C2CD2: variants seen among roughly 807,000 people sequenced by gnomAD.
The protein encoded by C2CD2 is C2 domain-containing protein 2.
A neutral mutation model predicts 74.3 loss-of-function variants in C2CD2; 43 were observed. The ratio of observed to expected loss-of-function variants is 0.58; its 90% confidence interval spans 0.45 to 0.75. C2CD2 has a LOEUF of 0.75. Ranked by LOEUF, C2CD2 falls within the 30% of genes least tolerant of loss-of-function variation. The pLI is 0.00. For synonymous variants in C2CD2, 422 were observed against 390.7 expected (o/e 1.08, Z -0.94); for missense variants, 801 against 916.3 (o/e 0.87, Z 1.63).
In C2CD2 at chr21:41,923,434, G is replaced by A. The variant is rs2065177223; in HGVS notation, c.379-1349C>T. ...GCTAAAAATGAGTCTTAAAGAGAAA[G>A]TAAGTTATAGATGTTAGAAGTAAAA... On this transcript the variant is annotated intron_variant, in intron 2 of 13. Coordinates refer to ENST00000380486, the MANE Select transcript of C2CD2 (RefSeq NM_015500.2). The surrounding 1 kb of genome is among the most constrained non-coding windows in gnomAD (Gnocchi z 5.8). Among the ~76,000 whole-genome samples the A allele has an allele frequency of 6.6e-6, 1 of 152,190 alleles. No individual in the cohort carries two copies. The highest frequency in any genetic ancestry group is 2.4e-5 in the African/African-American group (1 of 41,448).
Position 41,907,683 on chromosome 21 carries a change from CCGAGCTGCCGCAGGCA to C in C2CD2, c.1104_1119del (p.Ala369CysfsTer17). 1 of 1,612,166 alleles carries C rather than the reference CCGAGCTGCCGCAGGCA, an allele frequency of 6.2e-7. No homozygotes were observed. Among genetic ancestry groups the C allele is most frequent in the Non-Finnish European group, 8.5e-7 (1 of 1,179,762 alleles). On this transcript the variant is annotated frameshift_variant, in exon 9 of 14. Coordinates refer to ENST00000380486, the MANE Select transcript of C2CD2 (RefSeq NM_015500.2). LOFTEE classifies it high-confidence loss of function. The stretch of plus-strand genomic sequence containing the variant: ...ACCTCTGCCGTGACCGAGCCCAGCA[CCGAGCTGCCGCAGGCA>C]GACCCGCTGGTCAGCGTGAAGCTCT...
At chr21:41,897,367 T>G (rs2064836243) in intron 13 of C2CD2, among the ~76,000 whole-genome samples, 1 of 152,174 alleles carries the variant, frequency 6.6e-6, no homozygotes, top group Non-Finnish European at 1.5e-5. Flanking sequence ...TACCCCACCC[T>G]GCACCCATGT....
In C2CD2 at chr21:41,918,842, A is replaced by C; in HGVS notation, c.597+14T>G. 1 of 1,602,794 alleles carries C rather than the reference A, an allele frequency of 6.2e-7. No individual in the cohort carries two copies. Among genetic ancestry groups the C allele is most frequent in the East Asian group, 2.2e-5 (1 of 44,818 alleles). On this transcript the variant is annotated intron_variant, in intron 4 of 13. Transcript: ENST00000380486. The stretch of plus-strand genomic sequence containing the variant: ...TCACGCCAATGGAAGAATCATAAAA[A>C]CTTACGGACTGACCTCCCCCAGTGC...
At chr21:41,891,034 A>C (rs928634559) in intron 13 of C2CD2, among the ~76,000 whole-genome samples, 2 of 152,098 alleles carry the variant, frequency 1.3e-5, no homozygotes, top group African/African-American at 4.8e-5. Context: ...CAACCAAATC[A>C]CTTTTTATGA....
At chr21:41,919,488 C>G (rs531458233) in intron 3 of C2CD2, among the ~76,000 whole-genome samples, 1 of 152,286 alleles carries the variant, frequency 6.6e-6, no homozygotes, top group South Asian at 2.1e-4. Flanking sequence ...CAACCAGATG[C>G]CATCAAACCT....
intron 13 of C2CD2, chr21:41,894,697 C>A (rs1173760736): frequency 2.2e-6 from 1 of 456,816 alleles, no homozygotes; most frequent in Non-Finnish European, 4.4e-6. Context: ...GAGGAGGATT[C>A]CAGCCATGCG....
At chr21:41,944,116 AC>A (rs1174121211) in intron 1 of C2CD2, among the ~76,000 whole-genome samples, 6 of 152,200 alleles carry the variant, frequency 3.9e-5, no homozygotes, top group African/African-American at 1.4e-4. Flanking sequence ...GCCTAAAGAT[AC>A]GCTGTTGCCT....
chr21:41,887,645 G>GA lies in C2CD2; in HGVS notation c.*1478dup, dbSNP rs772154602. 1.3e-5 allele frequency: 2 copies of GA among 151,946 alleles called. No individual in the cohort carries two copies. Among genetic ancestry groups the GA allele is most frequent in the Non-Finnish European group, 2.9e-5 (2 of 67,938 alleles). The allele number at this position is 151,946 out of a possible 1,614,324, so 9.4% of individuals were successfully genotyped here. On this transcript the variant is annotated 3_prime_UTR_variant, in exon 14 of 14. Transcript: ENST00000380486. ...TTTGATACCGGTTTTTACTAAAAAA[G>GA]AAAAAATCCTATAATTTTGGTTTTT... is the stretch of plus-strand genomic sequence containing the variant.
chr21:41,953,388 C>T lies in C2CD2; in HGVS notation c.261G>A (p.Glu87=), dbSNP rs1018272309. 4 of 1,417,508 alleles carry T rather than the reference C, an allele frequency of 2.8e-6. No individual in the cohort carries two copies. The highest frequency in any genetic ancestry group is 1.9e-4 in the Middle Eastern group (1 of 5,320). The allele number at this position is 1,417,508 out of a possible 1,614,324, so 87.8% of individuals were successfully genotyped here. Residue 87 remains glutamate, a synonymous_variant, in exon 1 of 14, where the codon GAG becomes GAA. Coordinates refer to ENST00000380486, the MANE Select transcript of C2CD2 (RefSeq NM_015500.2). ...WQAAWVTALN[E]EAERKGGPPF... ...AACTCACCCCTTTCCTCTCGGCCTC[C>T]TCGTTCAGGGCGGTCACCCAGGCCG...
chr21:41,894,249 G>C (rs940599393), intron 13 of C2CD2, among the ~76,000 whole-genome samples: 13 of 152,302 alleles, frequency 8.5e-5, no homozygotes, highest in African/African-American at 2.9e-4. Context: ...CTCTGAGGAA[G>C]GAGGCCTGAT....
chr21:41,953,508 C>G lies in C2CD2; in HGVS notation c.141G>C (p.Arg47=), dbSNP rs770570222. ...GCCCCTCTCCAGGCTCCACCGCCCG[C>G]CGCTGGGGCTGGGGTCGCGCCCTGG... ...ALARARPQPQ[R]RAVEPGEGPR... is the part of the protein sequence containing the mutation. Residue 47 remains arginine, a synonymous_variant, in exon 1 of 14, where the codon CGG becomes CGC. Transcript: ENST00000380486. 1 of 1,486,928 alleles carries G rather than the reference C, an allele frequency of 6.7e-7. No individual in the cohort carries two copies. The highest frequency in any genetic ancestry group is 1.5e-5 in the African/African-American group (1 of 68,318). 92.1% of individuals were successfully genotyped at this position (1,486,928 alleles called of 1,614,324 possible).
At chr21:41,915,717 G>A (rs1357350200) in intron 5 of C2CD2, among the ~76,000 whole-genome samples, 1 of 152,220 alleles carries the variant, frequency 6.6e-6, no homozygotes, top group African/African-American at 2.4e-5. Context: ...TGGGATTACA[G>A]GCATGAGCCA....
At chr21:41,921,815 A>G (rs917169876) in intron 3 of C2CD2, among the ~76,000 whole-genome samples, 157 bp downstream of exon 3, 2 of 152,174 alleles carry the variant, frequency 1.3e-5, no homozygotes, top group Non-Finnish European at 2.9e-5. Context: ...CCTACATAGA[A>G]AATCCTATAT....
chr21:41,909,501 CCTT>C lies in C2CD2; in HGVS notation c.973_975del (p.Lys325del). 1 of 1,613,628 alleles carries C rather than the reference CCTT, an allele frequency of 6.2e-7. No individual in the cohort carries two copies. ...GCCTCTGAAATCTGCAGGTGTAACT[CCTT>C]CGACTTGGCATTCAACTCGCTTTGG... On this transcript the variant is annotated inframe_deletion, in exon 8 of 14. Coordinates refer to ENST00000380486, the MANE Select transcript of C2CD2 (RefSeq NM_015500.2).
In C2CD2 at chr21:41,905,798, T is replaced by G. The variant is rs1304255022; in HGVS notation, c.1358A>C (p.Glu453Ala). Residue 453 changes from glutamate to alanine, a missense_variant, in exon 11 of 14, where the codon GAG becomes GCG. Transcript: ENST00000380486. ...GATGGCCTGGACAGAGATGTCCTTC[T>G]CGATCACCTTCACCTTGATGGGAGT... The part of the protein sequence containing the change: ...VKTPIKVKVI[E>A]KDISVQAIAC... The G allele has an allele frequency of 6.2e-7, 1 of 1,610,274 alleles. No individual in the cohort carries two copies. The highest frequency in any genetic ancestry group is 8.5e-7 in the Non-Finnish European group (1 of 1,176,574).
intron 2 of C2CD2, among the ~76,000 whole-genome samples, chr21:41,934,659 C>A (rs1200745542): frequency 6.6e-6 from 1 of 152,142 alleles, no homozygotes; most frequent in Non-Finnish European, 1.5e-5. Context: ...AAATATTGAG[C>A]CCCGCACAGG....
chr21:41,935,182 G>A (rs10446258), intron 2 of C2CD2, among the ~76,000 whole-genome samples: 44,661 of 152,058 alleles, frequency 0.29, 7,330 homozygotes, highest in Non-Finnish European at 0.36. Flanking sequence ...GAGCCACCGC[G>A]CTGGCCAGCC....
Position 41,903,868 on chromosome 21 carries a change from G to A in C2CD2, c.1432+1856C>T, listed in dbSNP as rs563183022. On this transcript the variant is annotated intron_variant, in intron 11 of 13. Coordinates refer to ENST00000380486, the MANE Select transcript of C2CD2 (RefSeq NM_015500.2). This position sits in a 1 kb window ranked among gnomAD's most constrained non-coding sequence, Gnocchi z 4.5. ...GATCCTGCCCACGTGACAGGACCCC[G>A]CAGCATGGGCAGTGGGGGCACTGCC... Among the ~76,000 whole-genome samples, 74 of 152,290 alleles carry A rather than the reference G, an allele frequency of 4.9e-4. No individual in the cohort carries two copies. The highest frequency in any genetic ancestry group is 8.4e-4 in the African/African-American group (35 of 41,576).
intron 6 of C2CD2, among the ~76,000 whole-genome samples, chr21:41,913,096 T>C (rs571477885): frequency 6.6e-6 from 1 of 152,238 alleles, no homozygotes; most frequent in African/African-American, 2.4e-5. Flanking sequence ...GTCCCCACTT[T>C]TAGACAAGAC....
Sources: gnomAD v4.1 joint callset for allele counts (sites outside exome capture counted in the v4.1 genomes callset) on GRCh38, gnomAD v4.1.1 for gene constraint, Gnocchi (gnomAD v3.1) non-coding constraint, MANE v1.5 for transcripts, NCBI Gene and HGNC (gene_info 2026-07-23, HGNC 2026-07-21) for gene names.